RAB1A: variants seen among roughly 807,000 people sequenced by gnomAD.
RAB1A encodes the protein ras-related protein Rab-1A.
A neutral mutation model predicts 26.0 loss-of-function variants in RAB1A; 2 were observed. The ratio of observed to expected loss-of-function variants is 0.08; its 90% CI spans 0.03 to 0.24. The LOEUF is 0.24. RAB1A is among the 10% of genes least tolerant of loss of function. The pLI is 1.00. For missense variants in RAB1A, 100 were observed against 247.0 expected, an observed-to-expected ratio of 0.40 and a Z score of 3.99; for synonymous variants, 84 against 84.9, an observed-to-expected ratio of 0.99 and a Z score of 0.06.
At chr2:65,094,540 C>T (rs1407865571) in intron 3 of RAB1A, among the ~76,000 whole-genome samples, 2 of 148,800 alleles carry the variant, frequency 1.3e-5, no homozygotes, top group South Asian at 2.1e-4. Context: ...GCCGAGATCA[C>T]GCCATTGCAC....
intron 1 of RAB1A, among the ~76,000 whole-genome samples, chr2:65,109,837 C>T (rs1186981359): frequency 6.6e-6 from 1 of 152,024 alleles, no homozygotes; most frequent in Non-Finnish European, 1.5e-5. Flanking sequence ...TTTTGTAGTT[C>T]TAATCTACTA....
At chr2:65,106,718 C>A in intron 1 of RAB1A, among the ~76,000 whole-genome samples, 1 of 82,716 alleles carries the variant, frequency 1.2e-5, no homozygotes, top group African/African-American at 4.1e-5. Flanking sequence ...ACATCCTTTC[C>A]AGTTTGAGAT....
At chr2:65,111,328 C>T (rs1669688150) in intron 1 of RAB1A, among the ~76,000 whole-genome samples, 1 of 151,078 alleles carries the variant, frequency 6.6e-6, no homozygotes, top group Non-Finnish European at 1.5e-5. Context: ...TGCCATTGCA[C>T]TCCAGCCTAG....
rs374723244 is a variant in RAB1A, at chr2:65,093,227, T to C, written c.193-2149A>G. On this transcript the variant is annotated intron_variant, in intron 3 of 5. Coordinates refer to ENST00000409784, the MANE Select transcript of RAB1A (RefSeq NM_004161.5). Reference sequence around the variant, plus strand: ...CAATACTTTCCTTCATATGTAATTCTCATTACTCCTCATAATCAGAGTAAC... The same window carrying C: ...CAATACTTTCCTTCATATGTAATTCCCATTACTCCTCATAATCAGAGTAAC... Among the ~76,000 whole-genome samples, 147 of 152,344 alleles carry C rather than the reference T, an allele frequency of 9.6e-4. 1 individual carries two copies. The highest frequency in any genetic ancestry group is 3.4e-3 in the Middle Eastern group (1 of 294).
At chr2:65,093,251 A>G (rs1298459357) in intron 3 of RAB1A, among the ~76,000 whole-genome samples, 1 of 152,160 alleles carries the variant, frequency 6.6e-6, no homozygotes. Flanking sequence ...AATCAGAGTA[A>G]CTTTTTCCCA....
chr2:65,099,808 G>A (rs1336388678), intron 2 of RAB1A, among the ~76,000 whole-genome samples: 1 of 152,038 alleles, frequency 6.6e-6, no homozygotes, highest in Non-Finnish European at 1.5e-5. Context: ...AATTTAAATA[G>A]CTACATAGAG....
intron 2 of RAB1A, among the ~76,000 whole-genome samples, chr2:65,102,428 G>T (rs907224180): frequency 1.3e-4 from 20 of 152,090 alleles, no homozygotes; most frequent in African/African-American, 4.3e-4. Context: ...CATCAGAAAA[G>T]TCATATGTAT....
rs2103897285 is a variant in RAB1A, at chr2:65,129,989, G to A, written c.-74C>T. 13 of 1,496,004 alleles carry A rather than the reference G, an allele frequency of 8.7e-6. No homozygotes were observed. The highest frequency in any genetic ancestry group is 7.2e-5 in the South Asian group (6 of 83,050). The allele number at this position is 1,496,004 out of a possible 1,614,324, so 92.7% of individuals were successfully genotyped here. A position where few individuals can be genotyped will look rare whatever the true frequency, so the allele number is the denominator to read the frequency against. On this transcript the variant is annotated 5_prime_UTR_variant, in exon 1 of 6. Coordinates refer to ENST00000409784, the MANE Select transcript of RAB1A (RefSeq NM_004161.5). ...GCCGCCCTGACTCTCCGCGCCACGG[G>A]TAATCGAAAGAAAGGAATGAGATAG... is the stretch of plus-strand genomic sequence containing the variant.
chr2:65,123,558 C>T (rs760535356), intron 1 of RAB1A, among the ~76,000 whole-genome samples: 14 of 152,050 alleles, frequency 9.2e-5, no homozygotes, highest in African/African-American at 2.2e-4. Flanking sequence ...AGAAGCCAGG[C>T]GCGTGGCTCA....
intron 3 of RAB1A, among the ~76,000 whole-genome samples, chr2:65,097,414 G>A (rs1007799745): frequency 1.3e-5 from 2 of 152,160 alleles, no homozygotes; most frequent in African/African-American, 4.8e-5. Context: ...AGTAACTGTA[G>A]GCAAGTCATT....
At position 65,088,504 on chromosome 2, in the gene RAB1A, C is replaced by T. The variant is rs767607457; in HGVS notation, c.607G>A (p.Gly203Ser). ...GATGGAGGCAAATTTTAGCAGCAAC[C>T]TCCACCTGACTGCTTGACTGGAGTG... ...QSTPVKQSGG[G>S]CC The change falls in exon 6 of 6, where the codon GGT becomes AGT. Residue 203 changes from glycine to serine, a missense_variant. By Grantham distance (56) the Gly-to-Ser change is moderately conservative. Around this residue, in one of 2 missense-constraint regions of RAB1A, gnomAD observed 67 missense variants for 122.9 expected, o/e 0.55. Coordinates refer to ENST00000409784, the MANE Select transcript of RAB1A (RefSeq NM_004161.5). The T allele has an allele frequency of 4.4e-6, 7 of 1,604,316 alleles. No individual in the cohort carries two copies. The African/African-American group carries it at 5.4e-5, about 12-fold the overall frequency.
In RAB1A at chr2:65,088,995, C is replaced by T; in HGVS notation, c.364G>A (p.Val122Ile). Residue 122 changes from valine (V) to isoleucine (I), a missense_variant, in exon 5 of 6, where the codon GTA becomes ATA. By Grantham distance (29) the Val-to-Ile change is conservative (BLOSUM62 3). Coordinates refer to ENST00000409784, the MANE Select transcript of RAB1A (RefSeq NM_004161.5). ...GTGGTCAGATCACATTTGTTCCCTA[C>T]CAACAATTTGTTGACATTTTCACTG... Reference protein sequence around the residue: ...YASENVNKLLVGNKCDLTTKK... With the variant: ...YASENVNKLLIGNKCDLTTKK... The T allele has an allele frequency of 6.2e-7, 1 of 1,610,090 alleles. No homozygotes were observed.
At chr2:65,122,184 A>C (rs1051581991) in intron 1 of RAB1A, among the ~76,000 whole-genome samples, 2 of 132,440 alleles carry the variant, frequency 1.5e-5, no homozygotes, top group African/African-American at 5.5e-5. Context: ...AAAAAAAAAA[A>C]AGCTGGTAAG....
chr2:65,128,085 A>C (rs1225909168), intron 1 of RAB1A, among the ~76,000 whole-genome samples: 1 of 152,178 alleles, frequency 6.6e-6, no homozygotes, highest in Non-Finnish European at 1.5e-5. Flanking sequence ...CCTGGTACTA[A>C]TAGAATGCCT....
chr2:65,122,811 A>C (rs1669998204), intron 1 of RAB1A, among the ~76,000 whole-genome samples: 1 of 151,782 alleles, frequency 6.6e-6, no homozygotes, highest in South Asian at 2.1e-4. Context: ...TCTACTAAAA[A>C]ATGCAAAAAT....
intron 1 of RAB1A, among the ~76,000 whole-genome samples, chr2:65,123,998 ATTTT>A (rs1177637058): frequency 2.0e-5 from 3 of 151,476 alleles, no homozygotes; most frequent in Non-Finnish European, 4.4e-5. Context: ...TTTATTTTTT[ATTTT>A]TTTGAGACAG....
intron 1 of RAB1A, chr2:65,106,386 G>T: frequency 2.9e-6 from 1 of 341,128 alleles, no homozygotes. Flanking sequence ...ATGTAAACAA[G>T]ACATAAAACT....
At chr2:65,123,782 C>T (rs764850799) in intron 1 of RAB1A, among the ~76,000 whole-genome samples, 26 of 151,656 alleles carry the variant, frequency 1.7e-4, no homozygotes, top group Middle Eastern at 3.4e-3. Context: ...GCCGAGATCA[C>T]GCCAACGCAC....
At chr2:65,125,289 T>A (rs961531012) in intron 1 of RAB1A, among the ~76,000 whole-genome samples, 4 of 152,140 alleles carry the variant, frequency 2.6e-5, no homozygotes, top group African/African-American at 9.7e-5. Flanking sequence ...GTAGACATGC[T>A]TTATTCTTAA....
Sources: gnomAD v4.1 joint callset for allele counts (sites outside exome capture counted in the v4.1 genomes callset) on GRCh38, gnomAD v4.1.1 for gene constraint, gnomAD v4.1.1 regional missense constraint, MANE v1.5 for transcripts, NCBI Gene and HGNC (gene_info 2026-07-23, HGNC 2026-07-21) for gene names.